The following SGIP1 variants were observed in gnomAD, a reference collection of about 807,000 sequenced individuals.
SGIP1 encodes SH3GL interacting endocytic adaptor 1, also known as SH3-containing GRB2-like protein 3-interacting protein 1.
Under a neutral mutation model 107.5 loss-of-function variants are expected in SGIP1, and 38 were observed. That is an observed-to-expected ratio of 0.35 (90% CI 0.27 to 0.46). The LOEUF (loss-of-function observed/expected upper bound fraction) is 0.46. Among genes scored for constraint, SGIP1 ranks in the 20% least tolerant of loss-of-function variants. The pLI is 1.00. For synonymous variants in SGIP1, 365 were observed against 366.1 expected (o/e 1.00, Z 0.03); for missense variants, 929 against 1,019.5 (o/e 0.91, Z 1.21).
chr1:66,601,619 T>C (rs980531290), intron 1 of SGIP1, among the ~76,000 whole-genome samples: 1 of 152,068 alleles, frequency 6.6e-6, no homozygotes, highest in Non-Finnish European at 1.5e-5. Flanking sequence ...TCCAGTGTTT[T>C]CAAAAATTTA....
At chr1:66,562,563 TG>T (rs1329664234) in intron 1 of SGIP1, among the ~76,000 whole-genome samples, 2 of 151,908 alleles carry the variant, frequency 1.3e-5, no homozygotes, top group Admixed American at 1.3e-4. Flanking sequence ...CAAGGAGGGG[TG>T]GCAAAGTATT....
chr1:66,573,240 T>A (rs1272582835), intron 1 of SGIP1, among the ~76,000 whole-genome samples: 1 of 151,120 alleles, frequency 6.6e-6, no homozygotes, highest in Non-Finnish European at 1.5e-5. Context: ...TCAGAATGGC[T>A]ATTACTAAAA....
At chr1:66,554,152 T>C (rs949728308) in intron 1 of SGIP1, among the ~76,000 whole-genome samples, 2 of 152,152 alleles carry the variant, frequency 1.3e-5, no homozygotes, top group Non-Finnish European at 2.9e-5. Flanking sequence ...TTTCTTCTGG[T>C]ATTTGCTTAA....
intron 18 of SGIP1, among the ~76,000 whole-genome samples, chr1:66,707,180 C>T (rs1476183912): frequency 6.6e-6 from 1 of 152,080 alleles, no homozygotes; most frequent in African/African-American, 2.4e-5. Flanking sequence ...CCATTGTTTT[C>T]ACAACTTTTT....
rs141809119 is a variant in SGIP1, at chr1:66,718,362, G to A, written c.1631-932G>A. On this transcript the variant is annotated intron_variant, in intron 18 of 24. Coordinates refer to ENST00000371037, the MANE Select transcript of SGIP1 (RefSeq NM_032291.4). The stretch of plus-strand genomic sequence containing the variant: ...AATGTTGATACTTTTCAGAAGCTAC[G>A]GGTTACAGCAAAATGATACAGGAAA... Among the ~76,000 whole-genome samples the A allele has an allele frequency of 3.4e-4, 51 of 152,110 alleles. No individual in the cohort carries two copies. The East Asian group carries it at 8.7e-3, about 26-fold the overall frequency.
chr1:66,711,575 A>G (rs1416966960), intron 18 of SGIP1, among the ~76,000 whole-genome samples: 2 of 152,174 alleles, frequency 1.3e-5, no homozygotes, highest in Admixed American at 1.3e-4. Context: ...TGCTTCATAC[A>G]TCTTCTGGAG....
intron 14 of SGIP1, among the ~76,000 whole-genome samples, chr1:66,681,223 C>T (rs1466769061): frequency 6.6e-6 from 1 of 152,134 alleles, no homozygotes; most frequent in Non-Finnish European, 1.5e-5. Flanking sequence ...GTGTATATAT[C>T]TGTATTTGTA....
chr1:66,635,847 G>A, intron 3 of SGIP1, 97 bp from the exon 4 acceptor site: 1 of 1,258,198 alleles, frequency 7.9e-7, no homozygotes, highest in South Asian at 1.3e-5. Flanking sequence ...TTTCTTCTAT[G>A]GTATGTTTGC....
chr1:66,733,340 T>G (rs917556515), intron 20 of SGIP1, among the ~76,000 whole-genome samples: 1 of 152,220 alleles, frequency 6.6e-6, no homozygotes, highest in Non-Finnish European at 1.5e-5. Flanking sequence ...GAGAAACTAC[T>G]GGTCAAAGTA....
chr1:66,689,447 T>C (rs2150090271), intron 16 of SGIP1, among the ~76,000 whole-genome samples, 172 bp downstream of exon 16: 1 of 152,304 alleles, frequency 6.6e-6, no homozygotes, highest in Non-Finnish European at 1.5e-5. Context: ...CTCAAATTTC[T>C]ACCATCTTTC....
chr1:66,634,734 G>C (rs1022225929), intron 3 of SGIP1, among the ~76,000 whole-genome samples: 3 of 152,154 alleles, frequency 2.0e-5, no homozygotes, highest in African/African-American at 4.8e-5. Flanking sequence ...TCTGGAAAAG[G>C]CTACGTTCAA....
At chr1:66,543,443 T>C (rs2055507961) in intron 1 of SGIP1, among the ~76,000 whole-genome samples, 1 of 152,204 alleles carries the variant, frequency 6.6e-6, no homozygotes, top group Non-Finnish European at 1.5e-5. Context: ...TGAAAAGACT[T>C]ACCTAAGGAT....
chr1:66,579,006 A>C (rs1313556824), intron 1 of SGIP1, among the ~76,000 whole-genome samples: 1 of 152,116 alleles, frequency 6.6e-6, no homozygotes. Flanking sequence ...GTATATCTAC[A>C]AGTCAGATGA....
chr1:66,695,815 A>T (rs1212028324), intron 18 of SGIP1, among the ~76,000 whole-genome samples: 1 of 152,256 alleles, frequency 6.6e-6, no homozygotes, highest in Non-Finnish European at 1.5e-5. Flanking sequence ...TCTGTCAACC[A>T]GGGCTCTTTC....
At chr1:66,548,064 C>T (rs999429883) in intron 1 of SGIP1, among the ~76,000 whole-genome samples, 1 of 151,938 alleles carries the variant, frequency 6.6e-6, no homozygotes, top group African/African-American at 2.4e-5. Flanking sequence ...TCAGGCAGGG[C>T]TTTATGAGCA....
chr1:66,562,044 T>A (rs1342113007), intron 1 of SGIP1, among the ~76,000 whole-genome samples: 1 of 151,852 alleles, frequency 6.6e-6, no homozygotes, highest in Non-Finnish European at 1.5e-5. Context: ...ACTTCCCAAA[T>A]CGAAGATTTC....
rs555511595 is a variant in SGIP1 at position 66,566,680 on chromosome 1, G to T, written c.10+32312G>T. On this transcript the variant is annotated intron_variant, in intron 1 of 24. Coordinates refer to ENST00000371037, the MANE Select transcript of SGIP1 (RefSeq NM_032291.4). ...TGTTTTATTGTTTTTGCCTTCCTCA[G>T]ATGCATTTACTCTTTTTTATTTATT... Among the ~76,000 whole-genome samples the T allele has an allele frequency of 2.6e-5, 4 of 152,026 alleles. No individual in the cohort carries two copies. In the East Asian group the frequency reaches 7.8e-4, roughly 29 times the overall value.
At chr1:66,730,280 T>G (rs577353097) in intron 20 of SGIP1, among the ~76,000 whole-genome samples, 1 of 152,302 alleles carries the variant, frequency 6.6e-6, no homozygotes, top group Admixed American at 6.5e-5. Context: ...CAATGTAATT[T>G]TTCACATTTT....
chr1:66,732,044 C>T (rs979398089), intron 20 of SGIP1, among the ~76,000 whole-genome samples: 11 of 152,148 alleles, frequency 7.2e-5, no homozygotes, highest in Non-Finnish European at 1.3e-4. Flanking sequence ...AAAGCAGGTT[C>T]TCTAAGAAAT....
Sources: allele counts gnomAD v4.1 joint callset (sites outside exome capture counted in the v4.1 genomes callset), GRCh38; gene constraint gnomAD v4.1.1; transcripts MANE v1.5; gene names NCBI Gene and HGNC (gene_info 2026-07-23, HGNC 2026-07-21).